SLC39A10: variants seen among roughly 807,000 people sequenced by gnomAD.
SLC39A10 encodes the protein solute carrier family 39 member 10.
A neutral mutation model predicts 65.1 loss-of-function variants in SLC39A10; 13 were observed. The ratio of observed to expected loss-of-function variants is 0.20; its 90% CI spans 0.13 to 0.32. SLC39A10 has a LOEUF of 0.32. SLC39A10 is among the 10% of genes least tolerant of loss of function. The pLI is 1.00. For synonymous variants in SLC39A10, 321 were observed against 342.2 expected (o/e 0.94, Z 0.68); for missense variants, 831 against 1,018.4 (o/e 0.82, Z 2.50).
chr2:195,645,195 C>T lies in SLC39A10; in HGVS notation c.-11-34837C>T, dbSNP rs1358478248. Among the ~76,000 whole-genome samples the T allele has an allele frequency of 2.6e-5, 4 of 151,904 alleles. No homozygotes were observed. In the East Asian group the frequency reaches 5.8e-4, roughly 22 times the overall value. ...AAGTGCTGGGATTATAGGCATGAGC[C>T]ACCGCGCCTGGCCATCTAACTACTT... On this transcript the variant is annotated intron_variant, in intron 2 of 2. Coordinates refer to the SLC39A10 transcript ENST00000458054.
chr2:195,652,415 G>A (rs1037610850), upstream of SLC39A10, among the ~76,000 whole-genome samples: 1 of 151,950 alleles, frequency 6.6e-6, no homozygotes, highest in African/African-American at 2.4e-5. Context: ...TGGGCGTGGT[G>A]GTAGGTGCCT....
At chr2:195,732,755 G>A (rs969547649) in intron 9 of SLC39A10, among the ~76,000 whole-genome samples, 2 of 152,162 alleles carry the variant, frequency 1.3e-5, no homozygotes, top group African/African-American at 4.8e-5. Context: ...TTTAGGCTTT[G>A]GGGACCATAT....
chr2:195,640,390 A>G (rs1470294674), intron 2 of SLC39A10, among the ~76,000 whole-genome samples: 1 of 152,078 alleles, frequency 6.6e-6, no homozygotes, highest in African/African-American at 2.4e-5. Context: ...AATTGGATGA[A>G]CACCGAGGAC....
chr2:195,728,913 G>A lies in SLC39A10; in HGVS notation c.2337+564G>A, dbSNP rs1461453309. On this transcript the variant is annotated intron_variant, in intron 9 of 9. Coordinates refer to ENST00000359634, the MANE Select transcript of SLC39A10 (RefSeq NM_020342.3). The surrounding 1 kb of genome is among the most constrained non-coding windows in gnomAD (Gnocchi z 4.4). ...GTTTTTATGTTTGTTTGTTTGACTAGATAGGACATTTACTTTTTTTTTTCT... is the reference window on the plus strand; with the variant it reads ...GTTTTTATGTTTGTTTGTTTGACTAAATAGGACATTTACTTTTTTTTTTCT... Among the ~76,000 whole-genome samples the A allele has an allele frequency of 1.2e-5, 1 of 83,268 alleles. No individual in the cohort carries two copies. Among genetic ancestry groups the A allele is most frequent in the African/African-American group, 4.5e-5 (1 of 22,056 alleles). 54.6% of individuals were successfully genotyped at this position (83,268 alleles called of 152,430 possible).
intron 3 of SLC39A10, among the ~76,000 whole-genome samples, chr2:195,688,702 A>T (rs567134200): frequency 1.4e-3 from 220 of 152,320 alleles, no homozygotes; most frequent in African/African-American, 5.0e-3. Context: ...TTTATCTGAA[A>T]AGGGAAATCT....
intron 2 of SLC39A10, among the ~76,000 whole-genome samples, chr2:195,650,157 C>A (rs1370667858): frequency 6.6e-6 from 1 of 151,782 alleles, no homozygotes; most frequent in African/African-American, 2.4e-5. Context: ...TGGTGGGCAG[C>A]TGTAGTCCCA....
rs111705807 is a variant in SLC39A10, at chr2:195,724,359, T to G, written c.2147-3800T>G. On this transcript the variant is annotated intron_variant, in intron 8 of 9. Coordinates refer to ENST00000359634, the MANE Select transcript of SLC39A10 (RefSeq NM_020342.3). ...TCCCTGCTGTGAGGATTCCTTTGAC[T>G]TAGTTTTAAAATGTTTATACAGGTT... Among the ~76,000 whole-genome samples, 554 of 152,278 alleles carry G rather than the reference T, an allele frequency of 3.6e-3. 5 individuals carry two copies. Among genetic ancestry groups the G allele is most frequent in the Middle Eastern group, 6.8e-3 (2 of 294 alleles).
chr2:195,624,057 C>T (rs191720030), intron 2 of SLC39A10, among the ~76,000 whole-genome samples: 1 of 152,118 alleles, frequency 6.6e-6, no homozygotes, highest in African/African-American at 2.4e-5. Context: ...ATTTACCAGT[C>T]AAAATCTTGT....
Position 195,735,153 on chromosome 2 carries a change from C to A in SLC39A10, c.*112C>A, listed in dbSNP as rs1449707397. On this transcript the variant is annotated 3_prime_UTR_variant, in exon 10 of 10. Coordinates refer to ENST00000359634, the MANE Select transcript of SLC39A10 (RefSeq NM_020342.3). ...GAAAGTCAGTGGCTTGCACTACTTA[C>A]AAGTTTCATAGATTTGAGCCTAACC... is the stretch of plus-strand genomic sequence containing the variant. 15 of 1,149,216 alleles carry A rather than the reference C, an allele frequency of 1.3e-5. No homozygotes were observed. The highest frequency in any genetic ancestry group is 4.8e-5 in the African/African-American group (3 of 62,472). 71.2% of individuals were successfully genotyped at this position (1,149,216 alleles called of 1,614,324 possible). A position where few individuals can be genotyped will look rare whatever the true frequency, so the allele number is the denominator to read the frequency against.
intron 2 of SLC39A10, among the ~76,000 whole-genome samples, chr2:195,637,563 G>A (rs1688719125): frequency 6.6e-6 from 1 of 152,196 alleles, no homozygotes; most frequent in Admixed American, 6.5e-5. Flanking sequence ...AACAATATTT[G>A]TATGAGATCA....
At chr2:195,711,723 C>T (rs1691606814) in intron 5 of SLC39A10, among the ~76,000 whole-genome samples, 1 of 152,166 alleles carries the variant, frequency 6.6e-6, no homozygotes, top group Admixed American at 6.5e-5. Flanking sequence ...AAGTTGGGGA[C>T]CTTGAGGGTA....
chr2:195,664,434 A>G (rs1255786546), intron 1 of SLC39A10, among the ~76,000 whole-genome samples: 1 of 152,164 alleles, frequency 6.6e-6, no homozygotes, highest in Admixed American at 6.5e-5. Context: ...AGCAGCAGTC[A>G]TAGAAGAAAT....
At chr2:195,654,017 C>A (rs970544278), upstream of SLC39A10, among the ~76,000 whole-genome samples, 51 of 152,178 alleles carry the variant, frequency 3.4e-4, no homozygotes, top group Admixed American at 2.0e-4. Flanking sequence ...CGGCTCACCG[C>A]AACCTCCACC....
intron 4 of SLC39A10, among the ~76,000 whole-genome samples, chr2:195,707,909 GTTAT>G (rs1475914879): frequency 1.3e-5 from 2 of 152,124 alleles, no homozygotes; most frequent in Non-Finnish European, 2.9e-5. Flanking sequence ...CCTAAGTGCA[GTTAT>G]CTAACTTATG....
At chr2:195,707,175 G>C (rs746900299) in intron 4 of SLC39A10, among the ~76,000 whole-genome samples, 1 of 152,136 alleles carries the variant, frequency 6.6e-6, no homozygotes, top group Non-Finnish European at 1.5e-5. Flanking sequence ...GATACACTCA[G>C]TGCGCTGTTT....
intron 8 of SLC39A10, among the ~76,000 whole-genome samples, chr2:195,719,791 GTT>G (rs796609144): frequency 1.5e-5 from 2 of 131,504 alleles, no homozygotes; most frequent in Admixed American, 7.4e-5. Flanking sequence ...GCTAATTTTT[GTT>G]TTTTTTTTTT....
chr2:195,642,054 A>G (rs1471617726), intron 2 of SLC39A10, among the ~76,000 whole-genome samples: 1 of 152,142 alleles, frequency 6.6e-6, no homozygotes, highest in Non-Finnish European at 1.5e-5. Context: ...ATGGGAGCAG[A>G]TTAGGGCAGA....
chr2:195,711,052 C>T (rs1029915547), intron 5 of SLC39A10, among the ~76,000 whole-genome samples: 1 of 152,114 alleles, frequency 6.6e-6, no homozygotes, highest in Non-Finnish European at 1.5e-5. Flanking sequence ...ATCAAGAAGA[C>T]TTCTTAGTTG....
At chr2:195,734,836 GAGC>G in intron 9 of SLC39A10, 44 bp from the exon 10 acceptor site, 1 of 1,510,320 alleles carries the variant, frequency 6.6e-7, no homozygotes, top group South Asian at 1.3e-5. Context: ...AAACTGTTTT[GAGC>G]AGAAGTATTA....
Sources: allele counts gnomAD v4.1 joint callset (sites outside exome capture counted in the v4.1 genomes callset), GRCh38; gene constraint gnomAD v4.1.1; non-coding constraint Gnocchi (gnomAD v3.1); transcripts MANE v1.5; gene names NCBI Gene and HGNC (gene_info 2026-07-23, HGNC 2026-07-21).